VPS13C: variants seen among roughly 807,000 people sequenced by gnomAD.
VPS13C encodes the protein vacuolar protein sorting 13 homolog C.
A neutral mutation model predicts 456.8 loss-of-function variants in VPS13C; 358 were observed. That is an observed-to-expected ratio of 0.78 (90% confidence interval 0.72 to 0.86). The LOEUF is 0.86. VPS13C is among the 40% of genes least tolerant of loss of function. VPS13C has a pLI of 0.00. For synonymous variants in VPS13C, 1,578 were observed against 1,486.7 expected, an observed-to-expected ratio of 1.06 and a Z score of -1.41; for missense variants, 4,818 against 4,385.4, an observed-to-expected ratio of 1.10 and a Z score of -2.79.
chr15:62,006,470 T>C (rs2140487283), intron 15 of VPS13C, among the ~76,000 whole-genome samples: 1 of 152,330 alleles, frequency 6.6e-6, no homozygotes, highest in South Asian at 2.1e-4. Flanking sequence ...TTCCATGGTG[T>C]ATATGTGCCA....
In VPS13C at chr15:61,927,180, G is replaced by T; in HGVS notation, c.6427C>A (p.Leu2143Ile). ...ACAGAAGCTTCCATCATCTGTTCGA[G>T]TTTGGATGTTGACAGAGAAAGGTTG... ...QCNLSLSTSK[L>I]EQMMEASVRD... The change falls in exon 52 of 85, where the codon CTC (leucine) becomes ATC (isoleucine). Residue 2143 changes from leucine (L) to isoleucine (I), a missense_variant. Around this residue, in one of 3 missense-constraint regions of VPS13C, gnomAD observed 4,552 missense variants for 4,130.6 expected, o/e 1.10. Coordinates refer to ENST00000644861, the MANE Select transcript of VPS13C (RefSeq NM_020821.3). 6.2e-7 allele frequency: 1 copy of T among 1,614,196 alleles called. No individual in the cohort carries two copies. Among genetic ancestry groups the T allele is most frequent in the Non-Finnish European group, 8.5e-7 (1 of 1,180,032 alleles).
At position 61,950,365 on chromosome 15, in the gene VPS13C, C is replaced by T. The variant is rs1260264908; in HGVS notation, c.4589G>A (p.Arg1530Lys). Reference sequence around the variant, plus strand: ...AAATTATAAAAGTTTTACCTTCAGTCTCTGTTTGGTACTGTCATGAATAGT... The same window carrying T: ...AAATTATAAAAGTTTTACCTTCAGTTTCTGTTTGGTACTGTCATGAATAGT... The part of the protein sequence containing the change: ...FKTIHDSTKQ[R>K]LKVSFASLDL... Residue 1530 changes from arginine to lysine, a missense_variant, in exon 41 of 85, where the codon AGA becomes AAA. Arg to Lys is a conservative substitution (Grantham distance 26, BLOSUM62 2). Transcript: ENST00000644861. The T allele has an allele frequency of 2.5e-6, 4 of 1,611,368 alleles. No homozygotes were observed. The highest frequency in any genetic ancestry group is 1.6e-4 in the Middle Eastern group (1 of 6,074).
rs1388449820 is a variant in VPS13C, at chr15:61,854,900, C to T, written c.11131G>A (p.Val3711Ile). 2.5e-6 allele frequency: 4 copies of T among 1,613,266 alleles called. No homozygotes were observed. Among genetic ancestry groups the T allele is most frequent in the Non-Finnish European group, 3.4e-6 (4 of 1,179,744 alleles). Reference protein sequence around the residue: ...DSANQGCVRKVYLKDTATAER... With the variant: ...DSANQGCVRKIYLKDTATAER... ...GCTGTGGCGGTGTCCTTCAGGTAAA[C>T]TTTTCGAACACAGCCTTGATTGGCA... Residue 3711 changes from valine (V) to isoleucine (I), a missense_variant, in exon 84 of 85, where the codon GTT (valine) becomes ATT (isoleucine). Around this residue, in one of 3 missense-constraint regions of VPS13C, gnomAD observed 261 missense variants for 234.1 expected, o/e 1.11. Transcript: ENST00000644861.
intron 16 of VPS13C, among the ~76,000 whole-genome samples, chr15:61,998,233 T>A (rs1000742851): frequency 6.6e-6 from 1 of 152,226 alleles, no homozygotes; most frequent in Non-Finnish European, 1.5e-5. Flanking sequence ...TTTGCTCAAA[T>A]GTTTCCTTGT....
In VPS13C at chr15:61,964,699, C is replaced by T. The variant is rs753759003; in HGVS notation, c.3214G>A (p.Ala1072Thr). 1 of 1,599,014 alleles carries T rather than the reference C, an allele frequency of 6.3e-7. No homozygotes were observed. Among genetic ancestry groups the T allele is most frequent in the Non-Finnish European group, 8.5e-7 (1 of 1,175,330 alleles). ...KQQKNSTLPKAIVSSRDSDII... is the reference protein window; with the variant it reads ...KQQKNSTLPKTIVSSRDSDII... ...AAAAACAAAAATGTATGTTTCATACCTTTTGGCAGAGTTGAATTTTTTTGT... is the reference window on the plus strand; with the variant it reads ...AAAAACAAAAATGTATGTTTCATACTTTTTGGCAGAGTTGAATTTTTTTGT... The change falls in exon 31 of 85, where the codon GCG becomes ACG. Residue 1072 changes from alanine to threonine, a missense_variant and splice_region_variant. Around this residue, in one of 3 missense-constraint regions of VPS13C, gnomAD observed 4,552 missense variants for 4,130.6 expected, o/e 1.10. Coordinates refer to ENST00000644861, the MANE Select transcript of VPS13C (RefSeq NM_020821.3).
At chr15:62,039,653 T>C (rs1308111043) in intron 3 of VPS13C, among the ~76,000 whole-genome samples, 2 of 152,076 alleles carry the variant, frequency 1.3e-5, no homozygotes, top group South Asian at 4.1e-4. Flanking sequence ...AAAACTACAA[T>C]GATATACCAT....
At chr15:62,031,770 A>T (rs956802666) in intron 5 of VPS13C, among the ~76,000 whole-genome samples, 1 of 151,942 alleles carries the variant, frequency 6.6e-6, no homozygotes, top group Non-Finnish European at 1.5e-5. Context: ...TACATCCTTT[A>T]TATCAAACCA....
intron 61 of VPS13C, 96 bp from the exon 62 acceptor site, chr15:61,913,511 G>C: frequency 1.9e-6 from 2 of 1,027,378 alleles, no homozygotes; most frequent in Non-Finnish European, 2.9e-6. Flanking sequence ...AATTTCTTTA[G>C]TACCGTGGGA....
chr15:61,966,858 G>C (rs1451945644), intron 29 of VPS13C, among the ~76,000 whole-genome samples: 1 of 151,944 alleles, frequency 6.6e-6, no homozygotes, highest in African/African-American at 2.4e-5. Flanking sequence ...TAACAGTACA[G>C]ACATCCAAAA....
chr15:61,866,454 C>G, intron 81 of VPS13C: 1 of 984,332 alleles, frequency 1.0e-6, no homozygotes, highest in Non-Finnish European at 1.2e-6. Flanking sequence ...TCTTAAGTTA[C>G]AGGGGTTCTT....
intron 1 of VPS13C, among the ~76,000 whole-genome samples, chr15:62,052,047 C>T (rs1243568918): frequency 6.6e-6 from 1 of 152,124 alleles, no homozygotes; most frequent in Admixed American, 6.5e-5. Flanking sequence ...AGAATAGAAT[C>T]TATGTCTCCC....
intron 15 of VPS13C, among the ~76,000 whole-genome samples, chr15:62,006,960 C>T (rs999371843): frequency 5.9e-5 from 9 of 151,940 alleles, no homozygotes; most frequent in South Asian, 2.1e-4. Context: ...AAGCCACTAC[C>T]GTATAAATAC....
At chr15:61,933,902 T>C (rs1484299341) in intron 49 of VPS13C, among the ~76,000 whole-genome samples, 2 of 152,026 alleles carry the variant, frequency 1.3e-5, no homozygotes, top group East Asian at 3.8e-4. Context: ...TATATAGCTA[T>C]GTAATAAAAC....
chr15:62,023,919 A>G lies in VPS13C; in HGVS notation c.449-74T>C, dbSNP rs759751220. ...CAGACTACAGGACAGAAAAGAAAACAAGAGAATTTTTCCTAACAGCAAATT... is the reference window on the plus strand; with the variant it reads ...CAGACTACAGGACAGAAAAGAAAACGAGAGAATTTTTCCTAACAGCAAATT... On this transcript the variant is annotated intron_variant, in intron 6 of 84. Transcript: ENST00000644861. 9.7e-5 allele frequency: 136 copies of G among 1,408,934 alleles called. 1 individual carries two copies. Among genetic ancestry groups the G allele is most frequent in the Admixed American group, 3.5e-4 (17 of 48,406 alleles). The allele number at this position is 1,408,934 out of a possible 1,614,324, so 87.3% of individuals were successfully genotyped here.
At chr15:61,877,837 G>A (rs1313816938) in intron 74 of VPS13C, among the ~76,000 whole-genome samples, 1 of 151,838 alleles carries the variant, frequency 6.6e-6, no homozygotes, top group East Asian at 1.9e-4. Flanking sequence ...CGCCATCACT[G>A]TGTTTTCCCT....
At position 61,967,151 on chromosome 15, in the gene VPS13C, A is replaced by G. The variant is rs533685844; in HGVS notation, c.2991+217T>C. Among the ~76,000 whole-genome samples the G allele has an allele frequency of 1.9e-3, 295 of 152,060 alleles. 1 individual carries two copies. The highest frequency in any genetic ancestry group is 3.3e-3 in the Non-Finnish European group (222 of 67,846). Reference sequence around the variant, plus strand: ...GGTACCTACTTCATCCCAGGCTTCCATCTCTGGGAACAAGAAGTTTAGTGA... The same window carrying G: ...GGTACCTACTTCATCCCAGGCTTCCGTCTCTGGGAACAAGAAGTTTAGTGA... On this transcript the variant is annotated intron_variant, in intron 29 of 84. Transcript: ENST00000644861.
chr15:61,875,992 G>A (rs899783954), intron 75 of VPS13C, 147 bp from the exon 76 acceptor site: 4 of 576,914 alleles, frequency 6.9e-6, no homozygotes, highest in African/African-American at 5.9e-5. Flanking sequence ...TCCACTAATG[G>A]ATCTTTTACT....
intron 69 of VPS13C, 73 bp from the exon 70 acceptor site, chr15:61,881,901 G>A: frequency 1.5e-6 from 2 of 1,309,856 alleles, no homozygotes; most frequent in East Asian, 2.5e-5. Flanking sequence ...TAATGTTATA[G>A]AAGAGGCCAC....
At chr15:61,890,913 G>A (rs2042630846) in intron 66 of VPS13C, among the ~76,000 whole-genome samples, 1 of 152,260 alleles carries the variant, frequency 6.6e-6, no homozygotes, top group South Asian at 2.1e-4. Flanking sequence ...CAGGCATGGT[G>A]GCGGGCACCT....
Sources: allele counts gnomAD v4.1 joint callset (sites outside exome capture counted in the v4.1 genomes callset), GRCh38; gene constraint gnomAD v4.1.1; regional missense constraint gnomAD v4.1.1; transcripts MANE v1.5; gene names NCBI Gene and HGNC (gene_info 2026-07-23, HGNC 2026-07-21).